PVT1: variants seen among roughly 807,000 people sequenced by gnomAD.
PVT1 encodes the protein Pvt1 oncogene, also known as CXCR4/PVT1 fusion.
chr8:127,834,712 A>C (rs895446152), intron 2 of PVT1, among the ~76,000 whole-genome samples: 1 of 152,196 alleles, frequency 6.6e-6, no homozygotes, highest in Non-Finnish European at 1.5e-5. Context: ...AAGAACTTAA[A>C]TTTACAGGGG....
chr8:127,801,920 AT>A, intron 2 of PVT1, among the ~76,000 whole-genome samples: 1 of 151,266 alleles, frequency 6.6e-6, no homozygotes, highest in Admixed American at 6.6e-5. Flanking sequence ...TTATTTATTT[AT>A]TTATTTATTT....
intron 4 of PVT1, among the ~76,000 whole-genome samples, chr8:128,049,477 A>C (rs923284900): frequency 4.0e-5 from 6 of 151,774 alleles, no homozygotes; most frequent in Admixed American, 3.9e-4. Flanking sequence ...GGTGAAGGGC[A>C]CTGGAGACCT....
chr8:127,821,761 G>A (rs1814731524), intron 2 of PVT1, among the ~76,000 whole-genome samples: 1 of 151,838 alleles, frequency 6.6e-6, no homozygotes, highest in African/African-American at 2.4e-5. Context: ...GCAGTGAGCT[G>A]AGATCGCACC....
chr8:127,995,579 T>C (rs1269468930), intron 4 of PVT1, among the ~76,000 whole-genome samples: 1 of 152,244 alleles, frequency 6.6e-6, no homozygotes, highest in Non-Finnish European at 1.5e-5. Context: ...ATAGATTCTA[T>C]TAAGCACCGC....
At chr8:127,904,512 A>T (rs1171338125) in intron 3 of PVT1, among the ~76,000 whole-genome samples, 3 of 152,238 alleles carry the variant, frequency 2.0e-5, no homozygotes, top group African/African-American at 7.2e-5. Context: ...CATCATTCTG[A>T]GGTGTGTGTC....
intron 3 of PVT1, among the ~76,000 whole-genome samples, chr8:127,919,324 C>A (rs1286303720): frequency 1.3e-5 from 2 of 152,164 alleles, no homozygotes; most frequent in African/African-American, 4.8e-5. Context: ...CTTCAAGGAG[C>A]AGGAAGGTGA....
intron 4 of PVT1, among the ~76,000 whole-genome samples, chr8:128,042,635 C>G (rs12546445): frequency 0.35 from 53,431 of 151,968 alleles, 9,634 homozygotes; most frequent in East Asian, 0.51. Flanking sequence ...GGAATACTAA[C>G]TGGTAATGGT....
intron 2 of PVT1, among the ~76,000 whole-genome samples, chr8:127,888,721 C>T (rs936241318): frequency 1.3e-5 from 2 of 152,124 alleles, no homozygotes; most frequent in Non-Finnish European, 1.5e-5. Flanking sequence ...CAGCCAAGGC[C>T]TATGAAGCAG....
At chr8:127,912,854 G>A (rs138386674) in intron 3 of PVT1, among the ~76,000 whole-genome samples, 1 of 152,262 alleles carries the variant, frequency 6.6e-6, no homozygotes, top group African/African-American at 2.4e-5. Flanking sequence ...CTGCCACCAG[G>A]CCAGACGAAT....
At chr8:127,952,643 T>A (rs538369723) in intron 3 of PVT1, among the ~76,000 whole-genome samples, 35 of 152,368 alleles carry the variant, frequency 2.3e-4, no homozygotes, top group African/African-American at 8.2e-4. Flanking sequence ...TTTATAGTCA[T>A]ACTTTGAAAC....
intron 3 of PVT1, among the ~76,000 whole-genome samples, chr8:127,982,591 C>G (rs1169628709): frequency 1.3e-5 from 2 of 151,974 alleles, no homozygotes; most frequent in African/African-American, 2.4e-5. Flanking sequence ...GGGAGGATGG[C>G]TTGAGCTCAA....
rs902852283 is a variant in PVT1 at position 127,885,412 on chromosome 8, C to G, written n.373-5177C>G. On this transcript the variant is annotated intron_variant and non_coding_transcript_variant, in intron 2 of 10. Transcript: ENST00000651587. ...CAACAGAACTTTATTTGTCATGGTT[C>G]TGGAGGTGGGGAAGTCCAAGATTAA... Among the ~76,000 whole-genome samples the G allele has an allele frequency of 3.4e-4, 52 of 152,170 alleles. 1 individual carries two copies. The highest frequency in any genetic ancestry group is 1.0e-4 in the Non-Finnish European group (7 of 68,040).
In PVT1 at chr8:127,984,995, T is replaced by TTCCC. The variant is rs1449304325; in HGVS notation, n.783-4164_783-4163insCTCC. ...CCTTCCTTCCTTTCTTTCTTTCTCT[T>TTCCC]TCCTTCCTTCCTTCCTTCCTTCCTT... On this transcript the variant is annotated intron_variant and non_coding_transcript_variant, in intron 3 of 10. Transcript: ENST00000651587. Among the ~76,000 whole-genome samples the TTCCC allele has an allele frequency of 1.6e-4, 7 of 43,462 alleles. 1 individual carries two copies. Among genetic ancestry groups the TTCCC allele is most frequent in the Non-Finnish European group, 2.5e-4 (6 of 24,030 alleles). 28.5% of individuals were successfully genotyped at this position (43,462 alleles called of 152,430 possible). A position where few individuals can be genotyped will look rare whatever the true frequency, so the allele number is the denominator to read the frequency against.
chr8:127,818,882 T>A (rs1814696920), intron 2 of PVT1, among the ~76,000 whole-genome samples: 1 of 135,238 alleles, frequency 7.4e-6, no homozygotes, highest in Admixed American at 7.8e-5. Flanking sequence ...TCTCTCTCTC[T>A]CTCACTCTGT....
chr8:128,044,390 TG>T (rs1813587341), intron 4 of PVT1, among the ~76,000 whole-genome samples: 1 of 152,044 alleles, frequency 6.6e-6, no homozygotes, highest in African/African-American at 2.4e-5. Context: ...CCCTGGAAAA[TG>T]GTAAGTGCCT....
chr8:127,988,036 C>T (rs1816989871), intron 3 of PVT1, among the ~76,000 whole-genome samples: 1 of 152,210 alleles, frequency 6.6e-6, no homozygotes, highest in Non-Finnish European at 1.5e-5. Flanking sequence ...TGCAGAACCA[C>T]TGCAGATCTG....
chr8:127,844,051 C>T (rs1408072374), intron 2 of PVT1, among the ~76,000 whole-genome samples: 3 of 151,762 alleles, frequency 2.0e-5, no homozygotes, highest in Non-Finnish European at 4.4e-5. Context: ...GGCGCAATCT[C>T]GGCTCACTGC....
At chr8:128,090,430 G>A (rs189692916) in intron 5 of PVT1, among the ~76,000 whole-genome samples, 151 of 152,294 alleles carry the variant, frequency 9.9e-4, no homozygotes, top group Non-Finnish European at 1.8e-3. Context: ...ATTGGCAATG[G>A]AGGGAAGAGA....
intron 2 of PVT1, among the ~76,000 whole-genome samples, chr8:127,848,094 A>G (rs548590905): frequency 1.6e-4 from 25 of 152,326 alleles, no homozygotes; most frequent in African/African-American, 6.0e-4. Context: ...TATATTATCT[A>G]TCATACATTT....
Sources: allele counts gnomAD v4.1 joint callset (sites outside exome capture counted in the v4.1 genomes callset), GRCh38; gene constraint gnomAD v4.1.1; transcripts MANE v1.5; gene names NCBI Gene and HGNC (gene_info 2026-07-23, HGNC 2026-07-21).